The following SLC44A5 variants were observed in gnomAD, a reference collection of about 807,000 sequenced individuals.
SLC44A5 encodes solute carrier family 44 member 5, also known as choline transporter-like protein 5.
SLC44A5 carries 57 observed loss-of-function variants against 101.8 expected under a neutral mutation model. That is an observed-to-expected ratio of 0.56 (90% CI 0.45 to 0.70). SLC44A5 has a LOEUF of 0.70. SLC44A5 is among the 30% of genes least tolerant of loss of function. The probability of loss-of-function intolerance (pLI) is 0.00; values close to 1 mark genes in which losing one functional copy is unlikely to be tolerated. For missense variants in SLC44A5, 737 were observed against 853.1 expected, an observed-to-expected ratio of 0.86 and a Z score of 1.70; for synonymous variants, 281 against 290.9, an observed-to-expected ratio of 0.97 and a Z score of 0.35.
the SLC44A5 span, among the ~76,000 whole-genome samples, chr1:75,692,954 G>A: frequency 3.7e-4 from 56 of 152,148 alleles, no homozygotes; most frequent in South Asian, 0.012. Flanking sequence ...AATAGTGAAG[G>A]AAAAAGGGGC....
chr1:75,263,878 G>A (rs979673519), intron 6 of SLC44A5, among the ~76,000 whole-genome samples: 9 of 152,020 alleles, frequency 5.9e-5, no homozygotes, highest in African/African-American at 1.9e-4. Flanking sequence ...ACTAAAACAA[G>A]AACAGAAAAC....
intron 3 of SLC44A5, among the ~76,000 whole-genome samples, chr1:75,365,116 A>AT (rs562264518): frequency 4.2e-4 from 63 of 151,292 alleles, no homozygotes; most frequent in Non-Finnish European, 4.9e-4. Flanking sequence ...TCTTGCTATC[A>AT]TTTTTTTTAC....
At chr1:75,486,660 C>G (rs1668166528) in intron 2 of SLC44A5, among the ~76,000 whole-genome samples, 1 of 152,102 alleles carries the variant, frequency 6.6e-6, no homozygotes, top group Admixed American at 6.5e-5. Context: ...TTGGCCAAAA[C>G]AAAGAGGCCA....
In SLC44A5 at chr1:75,218,670, T is replaced by A; in HGVS notation, c.1349A>T (p.His450Leu). Residue 450 changes from histidine to leucine, a missense_variant, in exon 17 of 24, where the codon CAT becomes CTT. Transcript: ENST00000370859. ...TACATGGAAGGTAGGGATGTACTGA[T>A]GGTACAAGCTCTTTCCACCATAGAA... Reference protein sequence around the residue: ...FAFYGGKSLYHQYIPTFHVYN... With the variant: ...FAFYGGKSLYLQYIPTFHVYN... 1 of 1,613,634 alleles carries A rather than the reference T, an allele frequency of 6.2e-7. No individual in the cohort carries two copies. The highest frequency in any genetic ancestry group is 8.5e-7 in the Non-Finnish European group (1 of 1,179,646).
intron 9 of SLC44A5, among the ~76,000 whole-genome samples, 184 bp from the exon 10 acceptor site, chr1:75,238,820 G>A (rs1309455977): frequency 6.6e-6 from 1 of 151,954 alleles, no homozygotes; most frequent in Non-Finnish European, 1.5e-5. Context: ...AGACTAGAAA[G>A]CAAATATGAT....
At chr1:75,652,324 A>C in the SLC44A5 span, among the ~76,000 whole-genome samples, 77 of 152,128 alleles carry the variant, frequency 5.1e-4, no homozygotes, top group Non-Finnish European at 2.2e-4. Context: ...GCCCTCTTCC[A>C]AGTGTACTTT....
chr1:75,320,970 GC>G (rs1398927151), intron 4 of SLC44A5, among the ~76,000 whole-genome samples: 3 of 151,962 alleles, frequency 2.0e-5, no homozygotes, highest in Non-Finnish European at 4.4e-5. Flanking sequence ...TTGTTGAATT[GC>G]TACAGTAAGG....
At chr1:75,278,573 A>G (rs941852583) in intron 5 of SLC44A5, among the ~76,000 whole-genome samples, 14 of 152,166 alleles carry the variant, frequency 9.2e-5, no homozygotes, top group Non-Finnish European at 1.6e-4. Flanking sequence ...AAAATATCCT[A>G]TGTAATATGA....
intron 1 of SLC44A5, among the ~76,000 whole-genome samples, chr1:75,586,242 C>A (rs1473721060): frequency 1.3e-5 from 2 of 152,022 alleles, no homozygotes; most frequent in African/African-American, 4.8e-5. Context: ...CAGTCTTCTG[C>A]ATTTAGACTG....
the SLC44A5 span, among the ~76,000 whole-genome samples, chr1:75,672,657 A>C: frequency 6.6e-6 from 1 of 151,912 alleles, no homozygotes; most frequent in Non-Finnish European, 1.5e-5. Flanking sequence ...CCTCCCCAAA[A>C]CCTAGGCAGC....
chr1:75,577,348 C>G (rs1354963773), intron 1 of SLC44A5, among the ~76,000 whole-genome samples: 2 of 152,218 alleles, frequency 1.3e-5, no homozygotes, highest in African/African-American at 4.8e-5. Flanking sequence ...AAATCAGGCC[C>G]TTTATTAACT....
At chr1:75,600,813 A>C (rs12406883) in intron 1 of SLC44A5, among the ~76,000 whole-genome samples, 26,343 of 151,976 alleles carry the variant, frequency 0.17, 2,598 homozygotes, top group Admixed American at 0.25. Flanking sequence ...TAGCCTATCT[A>C]TGTGTATAAC....
intron 4 of SLC44A5, among the ~76,000 whole-genome samples, chr1:75,335,535 G>A (rs575529348): frequency 6.6e-6 from 1 of 152,276 alleles, no homozygotes; most frequent in African/African-American, 2.4e-5. Flanking sequence ...GTGGTCAAGA[G>A]AGCAGGATCC....
chr1:75,481,657 C>T (rs547811188), intron 2 of SLC44A5, among the ~76,000 whole-genome samples: 1 of 152,058 alleles, frequency 6.6e-6, no homozygotes, highest in Non-Finnish European at 1.5e-5. Context: ...TGAAAAAATG[C>T]TCACCATCAC....
the SLC44A5 span, among the ~76,000 whole-genome samples, chr1:75,627,777 C>CT: frequency 7.9e-5 from 12 of 151,088 alleles, no homozygotes; most frequent in African/African-American, 1.7e-4. Context: ...ACCCAAATCT[C>CT]TTTTTTTTCT....
intron 10 of SLC44A5, among the ~76,000 whole-genome samples, 179 bp from the exon 11 acceptor site, chr1:75,237,249 T>C (rs1190055518): frequency 6.6e-6 from 1 of 151,564 alleles, no homozygotes; most frequent in African/African-American, 2.4e-5. Flanking sequence ...TCAGTAAACC[T>C]GCAAAGGTAG....
chr1:75,477,853 C>A (rs1667532474), intron 2 of SLC44A5, among the ~76,000 whole-genome samples: 1 of 151,928 alleles, frequency 6.6e-6, no homozygotes, highest in Non-Finnish European at 1.5e-5. Context: ...GGAGAACTTC[C>A]CCAATCTAGC....
chr1:75,221,019 G>A (rs570271094), intron 14 of SLC44A5, among the ~76,000 whole-genome samples: 1 of 152,232 alleles, frequency 6.6e-6, no homozygotes, highest in Admixed American at 6.5e-5. Context: ...TGCACATTTA[G>A]AAGTGAAACA....
At chr1:75,399,863 CA>C (rs746037414) in intron 2 of SLC44A5, among the ~76,000 whole-genome samples, 1 of 151,934 alleles carries the variant, frequency 6.6e-6, no homozygotes, top group African/African-American at 2.4e-5. Context: ...GATCTTTTTA[CA>C]AAAAAATACC....
Sources: gnomAD v4.1 joint callset for allele counts (sites outside exome capture counted in the v4.1 genomes callset) on GRCh38, gnomAD v4.1.1 for gene constraint, MANE v1.5 for transcripts, NCBI Gene and HGNC (gene_info 2026-07-23, HGNC 2026-07-21) for gene names.